CCDC171: variants seen among roughly 807,000 people sequenced by gnomAD.
The protein encoded by CCDC171 is coiled-coil domain-containing protein 171.
In CCDC171, 177 loss-of-function variants were observed where a neutral mutation model predicts 168.2. The observed-to-expected ratio is 1.05, with a 90% CI of 0.93 to 1.19. CCDC171 has a LOEUF of 1.19. Among genes scored for constraint, CCDC171 ranks in the 50% most tolerant of loss-of-function variants. CCDC171 has a pLI of 0.00. For missense variants in CCDC171, 1,991 were observed against 1,539.0 expected (o/e 1.29, Z -4.91); for synonymous variants, 687 against 540.8 (o/e 1.27, Z -3.75).
At chr9:16,081,855 T>TA in the CCDC171 span, among the ~76,000 whole-genome samples, 7,708 of 147,470 alleles carry the variant, frequency 0.052, 220 homozygotes, top group Middle Eastern at 0.088. Context: ...TTGATTACTT[T>TA]AAAAAAAAAA....
At chr9:15,723,658 T>C (rs1488875644) in intron 12 of CCDC171, 23 bp from the exon 13 acceptor site, 6 of 1,573,464 alleles carry the variant, frequency 3.8e-6, no homozygotes, top group African/African-American at 1.4e-5. Context: ...TTTCATCAGC[T>C]AAACAGCATG....
chr9:15,770,069 A>AT (rs996396342), intron 18 of CCDC171, among the ~76,000 whole-genome samples: 7 of 152,216 alleles, frequency 4.6e-5, no homozygotes, highest in South Asian at 2.1e-4. Flanking sequence ...GAATTCTGGT[A>AT]TTTTTTGTGA....
intron 11 of CCDC171, among the ~76,000 whole-genome samples, chr9:15,716,498 C>T (rs981137134): frequency 1.6e-4 from 24 of 151,786 alleles, no homozygotes; most frequent in African/African-American, 4.6e-4. Flanking sequence ...GTTAAGGGAC[C>T]AGTAAGTGTT....
At chr9:15,864,486 A>G (rs1390951349) in intron 23 of CCDC171, among the ~76,000 whole-genome samples, 9 of 151,678 alleles carry the variant, frequency 5.9e-5, no homozygotes, top group Admixed American at 1.3e-4. Context: ...GACAGGCCCC[A>G]GTGTGTGATG....
chr9:15,935,279 G>A (rs1826983088), intron 25 of CCDC171, among the ~76,000 whole-genome samples: 1 of 152,030 alleles, frequency 6.6e-6, no homozygotes, highest in Admixed American at 6.6e-5. Context: ...GAGCATGACA[G>A]AGACTCAGAG....
chr9:15,895,736 A>G (rs945675619), intron 24 of CCDC171, among the ~76,000 whole-genome samples: 1 of 152,112 alleles, frequency 6.6e-6, no homozygotes, highest in African/African-American at 2.4e-5. Flanking sequence ...ATTCTGCTTT[A>G]GTCACTAACC....
intron 24 of CCDC171, among the ~76,000 whole-genome samples, chr9:15,898,003 G>A (rs893642945): frequency 6.6e-6 from 1 of 152,136 alleles, no homozygotes; most frequent in African/African-American, 2.4e-5. Flanking sequence ...AAGATAATAT[G>A]AGTCTTACAG....
At chr9:15,732,087 A>G (rs2054187101) in intron 16 of CCDC171, among the ~76,000 whole-genome samples, 1 of 152,012 alleles carries the variant, frequency 6.6e-6, no homozygotes, top group African/African-American at 2.4e-5. Context: ...CATATCCTGG[A>G]TACATATCCT....
upstream of CCDC171, among the ~76,000 whole-genome samples, chr9:16,042,010 T>C (rs1833580949): frequency 1.3e-5 from 2 of 152,238 alleles, no homozygotes; most frequent in Non-Finnish European, 1.5e-5. Flanking sequence ...TCAATCTTCA[T>C]TTTAGTTTTC....
At chr9:15,815,199 G>T (rs1283299425) in intron 21 of CCDC171, among the ~76,000 whole-genome samples, 1 of 152,036 alleles carries the variant, frequency 6.6e-6, no homozygotes, top group African/African-American at 2.4e-5. Context: ...CCTCACAGGG[G>T]TCTCAAGACT....
At chr9:16,055,878 G>A (rs1833831200) in intron 1 of CCDC171, among the ~76,000 whole-genome samples, 1 of 152,194 alleles carries the variant, frequency 6.6e-6, no homozygotes, top group South Asian at 2.1e-4. Flanking sequence ...TTTAAAGCAA[G>A]CAAGTGCTAT....
chr9:15,776,976 T>G (rs2057360562), intron 18 of CCDC171, among the ~76,000 whole-genome samples: 1 of 152,238 alleles, frequency 6.6e-6, no homozygotes, highest in African/African-American at 2.4e-5. Flanking sequence ...ATGGCTTTAT[T>G]AAGGCGTAAA....
intron 6 of CCDC171, among the ~76,000 whole-genome samples, chr9:15,603,509 G>A (rs1022935799): frequency 1.3e-5 from 2 of 152,014 alleles, no homozygotes; most frequent in South Asian, 2.1e-4. Flanking sequence ...GCGGTATTTC[G>A]TTTTCTGTCC....
chr9:15,950,101 G>C (rs1032837079), intron 25 of CCDC171, among the ~76,000 whole-genome samples: 2 of 152,106 alleles, frequency 1.3e-5, no homozygotes, highest in East Asian at 3.9e-4. Flanking sequence ...AATGAGCAAA[G>C]CCTCCAAGAA....
chr9:15,909,751 T>C lies in CCDC171; in HGVS notation c.3601-10519T>C, dbSNP rs147188210. ...GAGCAACCATATCAGAGTAACTTTT[T>C]GATAATGAAGAAAATAATGAAATTT... On this transcript the variant is annotated intron_variant, in intron 24 of 25. Transcript: ENST00000380701. Among the ~76,000 whole-genome samples the C allele has an allele frequency of 6.1e-3, 929 of 152,314 alleles. 11 individuals are homozygous for C. Among genetic ancestry groups the C allele is most frequent in the African/African-American group, 0.022 (894 of 41,564 alleles).
At chr9:15,820,302 C>A (rs1437621611) in intron 21 of CCDC171, among the ~76,000 whole-genome samples, 1 of 116,078 alleles carries the variant, frequency 8.6e-6, no homozygotes, top group African/African-American at 3.3e-5. Context: ...AGAGCAAACA[C>A]ATTCAAAAGC....
At chr9:15,816,504 G>A (rs1391336970) in intron 21 of CCDC171, among the ~76,000 whole-genome samples, 1 of 118,356 alleles carries the variant, frequency 8.4e-6, no homozygotes, top group Non-Finnish European at 1.9e-5. Flanking sequence ...TATTTTCGAA[G>A]AATAATTCTA....
intron 10 of CCDC171, among the ~76,000 whole-genome samples, chr9:15,680,121 A>T (rs374155408): frequency 2.6e-5 from 4 of 152,174 alleles, no homozygotes; most frequent in Admixed American, 6.5e-5. Context: ...GATGTGTATT[A>T]TGTCTCCCAA....
intron 18 of CCDC171, among the ~76,000 whole-genome samples, chr9:15,772,877 G>A (rs909083323): frequency 3.9e-5 from 6 of 152,172 alleles, no homozygotes; most frequent in Non-Finnish European, 5.9e-5. Context: ...CAAGAAATGG[G>A]AATATGGCAA....
Sources: allele counts gnomAD v4.1 joint callset (sites outside exome capture counted in the v4.1 genomes callset), GRCh38; gene constraint gnomAD v4.1.1; transcripts MANE v1.5; gene names NCBI Gene and HGNC (gene_info 2026-07-23, HGNC 2026-07-21).